The following PEAK1 variants were observed in gnomAD, a reference collection of about 807,000 sequenced individuals.
The protein encoded by PEAK1 is inactive tyrosine-protein kinase PEAK1.
In PEAK1, 54 loss-of-function variants were observed where a neutral mutation model predicts 124.7. That is an observed-to-expected ratio of 0.43 (90% confidence interval 0.35 to 0.54). The LOEUF is 0.54. Ranked by LOEUF, PEAK1 falls within the 20% of genes least tolerant of loss-of-function variation. PEAK1 has a pLI of 0.01. For synonymous variants in PEAK1, 719 were observed against 760.0 expected, an observed-to-expected ratio of 0.95 and a Z score of 0.89; for missense variants, 2,046 against 2,134.5, an observed-to-expected ratio of 0.96 and a Z score of 0.82.
intron 5 of PEAK1, among the ~76,000 whole-genome samples, chr15:77,258,365 A>T (rs930914244): frequency 3.3e-5 from 5 of 152,068 alleles, no homozygotes; most frequent in Non-Finnish European, 7.4e-5. Flanking sequence ...ATGAGCGTGG[A>T]ATGTTCTTCC....
chr15:77,380,103 G>T (rs570445647), intron 1 of PEAK1, among the ~76,000 whole-genome samples: 1 of 151,850 alleles, frequency 6.6e-6, no homozygotes, highest in African/African-American at 2.4e-5. Flanking sequence ...TAGCTCCATT[G>T]GTCTTTGTTA....
At chr15:77,260,254 A>T (rs1461862066) in intron 5 of PEAK1, among the ~76,000 whole-genome samples, 1 of 152,224 alleles carries the variant, frequency 6.6e-6, no homozygotes, top group African/African-American at 2.4e-5. Context: ...TGAACAAACT[A>T]ATCTGTACTT....
exon 7 of PEAK1, chr15:77,103,036 TGAA>T (rs1252382652): frequency 1.2e-4 from 18 of 152,346 alleles, no homozygotes; most frequent in Non-Finnish European, 2.4e-4. Context: ...ACTGAACGCC[TGAA>T]GAAGTGGAAA....
At chr15:77,226,066 T>TATATAC (rs2059649210) in intron 6 of PEAK1, among the ~76,000 whole-genome samples, 1 of 135,364 alleles carries the variant, frequency 7.4e-6, no homozygotes, top group African/African-American at 2.7e-5. Context: ...TATATATATA[T>TATATAC]ATATATATAT....
chr15:77,304,429 AGCTCCTG>A (rs1269056357), intron 2 of PEAK1, among the ~76,000 whole-genome samples: 6 of 147,700 alleles, frequency 4.1e-5, no homozygotes, highest in Middle Eastern at 7.2e-3. Flanking sequence ...TGTAGCTCCT[AGCTCCTG>A]TATACATTTT....
rs564174152 is a variant in PEAK1 at position 77,269,889 on chromosome 15, T to C, written c.-275+13994A>G. Among the ~76,000 whole-genome samples, 3 of 152,328 alleles carry C rather than the reference T, an allele frequency of 2.0e-5. No individual in the cohort carries two copies. The South Asian group carries it at 6.2e-4, about 32-fold the overall frequency. On this transcript the variant is annotated intron_variant, in intron 5 of 9. Coordinates refer to ENST00000682557, the MANE Select transcript of PEAK1 (RefSeq NM_001385026.1). ...TGTTGTACCTTTGTTCTCACTGGTT[T>C]CAAAGAACATCTTTATTTCTGCCTT... is the stretch of plus-strand genomic sequence containing the variant.
At chr15:77,185,804 G>C (rs777539686) in intron 6 of PEAK1, among the ~76,000 whole-genome samples, 2 of 152,166 alleles carry the variant, frequency 1.3e-5, no homozygotes, top group Non-Finnish European at 2.9e-5. Context: ...ATACAGGCCA[G>C]GGTGAGAGGC....
chr15:77,317,250 ATC>A (rs2153011057), intron 2 of PEAK1, among the ~76,000 whole-genome samples: 1 of 152,324 alleles, frequency 6.6e-6, no homozygotes, highest in East Asian at 1.9e-4. Context: ...TAGTGTAAAT[ATC>A]TGTCATGTTT....
intron 6 of PEAK1, among the ~76,000 whole-genome samples, chr15:77,212,020 T>C (rs965220607): frequency 1.8e-4 from 28 of 152,180 alleles, no homozygotes; most frequent in African/African-American, 6.0e-4. Flanking sequence ...ATAAGACTCA[T>C]ACATTATGTT....
At chr15:77,271,426 C>A (rs556703863) in intron 5 of PEAK1, among the ~76,000 whole-genome samples, 56 of 152,178 alleles carry the variant, frequency 3.7e-4, no homozygotes, top group African/African-American at 1.4e-3. Flanking sequence ...CCATCCATTA[C>A]TGGGTATATA....
At chr15:77,221,728 A>G (rs963183085) in intron 6 of PEAK1, among the ~76,000 whole-genome samples, 4 of 152,266 alleles carry the variant, frequency 2.6e-5, no homozygotes, top group Non-Finnish European at 5.9e-5. Flanking sequence ...TATAGCCTAT[A>G]TGCTTGTATT....
chr15:77,180,389 G>A lies in PEAK1; in HGVS notation c.1538C>T (p.Ser513Leu). Residue 513 changes from serine (S) to leucine (L), a missense_variant, in exon 7 of 10, where the codon TCA (serine) becomes TTA (leucine). Transcript: ENST00000682557. ...STPNSPVTSS[S>L]LTPGQISAHF... ...GGCACTTATTTGTCCTGGTGTCAAT[G>A]AAGATGATGTAACTGGAGAGTTTGG... 2 of 1,614,128 alleles carry A rather than the reference G, an allele frequency of 1.2e-6. No individual in the cohort carries two copies. The highest frequency in any genetic ancestry group is 1.7e-6 in the Non-Finnish European group (2 of 1,180,002).
At chr15:77,369,016 A>C (rs1433576965) in intron 1 of PEAK1, among the ~76,000 whole-genome samples, 2 of 152,238 alleles carry the variant, frequency 1.3e-5, no homozygotes, top group African/African-American at 2.4e-5. Context: ...TGACATTTGC[A>C]CTTACATGTT....
At chr15:77,273,550 T>C (rs2062147781) in intron 5 of PEAK1, among the ~76,000 whole-genome samples, 1 of 150,376 alleles carries the variant, frequency 6.6e-6, no homozygotes, top group African/African-American at 2.4e-5. Context: ...ACAAAGAACT[T>C]AGGAATATAC....
chr15:77,390,465 T>G (rs929420244), intron 1 of PEAK1, among the ~76,000 whole-genome samples: 1 of 152,218 alleles, frequency 6.6e-6, no homozygotes, highest in African/African-American at 2.4e-5. Flanking sequence ...AAGCTGATGT[T>G]ATGTGCTATC....
chr15:77,208,584 T>G (rs2058767245), intron 6 of PEAK1, among the ~76,000 whole-genome samples: 1 of 152,148 alleles, frequency 6.6e-6, no homozygotes, highest in South Asian at 2.1e-4. Flanking sequence ...TTACAATGCT[T>G]ACATTAACTA....
rs528340052 is a variant in PEAK1 at position 77,283,054 on chromosome 15, G to A, written c.-275+829C>T. ...TCTGTGATGGCATGAAAATGGGTAC[G>A]CAATAAGAGGTGGAGCTCTGTAGGG... On this transcript the variant is annotated intron_variant, in intron 5 of 9. Coordinates refer to ENST00000682557, the MANE Select transcript of PEAK1 (RefSeq NM_001385026.1). 1.3e-4 allele frequency among the ~76,000 whole-genome samples: 20 copies of A among 152,210 alleles called. No individual in the cohort carries two copies. In the South Asian group the frequency reaches 3.1e-3, roughly 24 times the overall value.
chr15:77,160,413 C>T (rs1366363169), intron 7 of PEAK1, among the ~76,000 whole-genome samples: 10 of 152,010 alleles, frequency 6.6e-5, no homozygotes, highest in Admixed American at 6.5e-5. Flanking sequence ...TTCAGTGGCT[C>T]GCACCTGTAA....
At chr15:77,154,862 G>A (rs910182475) in intron 8 of PEAK1, among the ~76,000 whole-genome samples, 1 of 152,062 alleles carries the variant, frequency 6.6e-6, no homozygotes, top group Admixed American at 6.5e-5. Context: ...TCAGCTGTTA[G>A]TCTGATGGGC....
Sources: gnomAD v4.1 joint callset for allele counts (sites outside exome capture counted in the v4.1 genomes callset) on GRCh38, gnomAD v4.1.1 for gene constraint, MANE v1.5 for transcripts, NCBI Gene and HGNC (gene_info 2026-07-23, HGNC 2026-07-21) for gene names.